Variants in VSIG1 observed in about 807,000 individuals in gnomAD.
VSIG1 encodes V-set and immunoglobulin domain-containing protein 1.
VSIG1 carries 11 observed loss-of-function variants against 20.1 expected under a neutral mutation model. The ratio of observed to expected loss-of-function variants is 0.55; its 90% CI spans 0.34 to 0.91. The LOEUF (loss-of-function observed/expected upper bound fraction) is 0.91, where lower values mean the gene tolerates loss of function less well. Among genes scored for constraint, VSIG1 ranks in the 40% least tolerant of loss-of-function variants. The probability of loss-of-function intolerance (pLI) is 0.02; values close to 1 mark genes in which losing one functional copy is unlikely to be tolerated. For synonymous variants in VSIG1, 126 were observed against 116.7 expected (o/e 1.08, Z -0.52); for missense variants, 283 against 298.8 (o/e 0.95, Z 0.39).
chrX:108,073,462 C>A, intron 5 of VSIG1, 93 bp downstream of exon 5: 1 of 1,023,453 alleles, frequency 9.8e-7, no homozygotes, highest in Non-Finnish European at 1.3e-6. Flanking sequence ...CCAGTTAGTG[C>A]TTCCTGCTTC....
rs1317396087 is a variant in VSIG1 at position 108,047,933 on chromosome X, TACAC to T, written c.49+2756_49+2759del. Among the ~76,000 whole-genome samples, 94 of 58,968 alleles carry T rather than the reference TACAC, an allele frequency of 1.6e-3. 15 individuals are homozygous for T. The highest frequency in any genetic ancestry group is 9.8e-3 in the African/African-American group (89 of 9,091). 51.2% of individuals were successfully genotyped at this position (58,968 alleles called of 115,157 possible). On this transcript the variant is annotated intron_variant, in intron 1 of 6. Transcript: ENST00000217957. The stretch of plus-strand genomic sequence containing the variant: ...ATATATATATACACATATATATATA[TACAC>T]ATATATATATATATATACACACACA...
chrX:108,054,756 G>A (rs780745705), intron 1 of VSIG1, among the ~76,000 whole-genome samples: 137 of 110,021 alleles, frequency 1.2e-3, no homozygotes, highest in African/African-American at 2.8e-3. Flanking sequence ...TTAAAAATGC[G>A]TAGAACTGAA....
chrX:108,037,009 C>A, the VSIG1 span, among the ~76,000 whole-genome samples: 1 of 111,412 alleles, frequency 9.0e-6, no homozygotes, highest in Non-Finnish European at 1.9e-5. Flanking sequence ...TTTGGAGAGA[C>A]AGAGAGATGT....
intron 1 of VSIG1, among the ~76,000 whole-genome samples, chrX:108,055,065 G>A (rs1165293673): frequency 9.1e-6 from 1 of 109,762 alleles, no homozygotes; most frequent in Non-Finnish European, 1.9e-5. Context: ...CAAACTTCTA[G>A]CAAGACTAAT....
At chrX:108,031,590 T>C in the VSIG1 span, among the ~76,000 whole-genome samples, 1 of 112,156 alleles carries the variant, frequency 8.9e-6, no homozygotes, top group African/African-American at 3.2e-5. Context: ...GATATTCTGG[T>C]ATTTCAAGAA....
chrX:108,037,828 T>C, the VSIG1 span, among the ~76,000 whole-genome samples: 15 of 112,307 alleles, frequency 1.3e-4, no homozygotes, highest in African/African-American at 4.5e-4. Flanking sequence ...ACTTACATTC[T>C]AGCTGGGTGG....
At chrX:108,072,944 GT>G in intron 4 of VSIG1, 112 bp downstream of exon 4, 1 of 802,797 alleles carries the variant, frequency 1.2e-6, no homozygotes, top group Admixed American at 3.2e-5. Flanking sequence ...TGTTTTCTCA[GT>G]GGTGGCGGGT....
chrX:108,041,156 C>T (rs996632577), upstream of VSIG1, among the ~76,000 whole-genome samples: 44 of 107,845 alleles, frequency 4.1e-4, no homozygotes, highest in Admixed American at 1.1e-3. Context: ...ACAATCACAC[C>T]GTGCCATTGT....
chrX:108,036,725 C>T, the VSIG1 span, among the ~76,000 whole-genome samples: 1 of 112,078 alleles, frequency 8.9e-6, no homozygotes, highest in South Asian at 3.7e-4. Context: ...CCTTGAAATT[C>T]CCCTGCTTCA....
chrX:108,022,898 C>T, the VSIG1 span, among the ~76,000 whole-genome samples: 3 of 111,342 alleles, frequency 2.7e-5, no homozygotes, highest in African/African-American at 9.8e-5. Context: ...GCACCTCCAC[C>T]CATCTCTCTT....
intron 6 of VSIG1, among the ~76,000 whole-genome samples, chrX:108,076,478 T>C (rs2031350248): frequency 8.9e-6 from 1 of 112,359 alleles, no homozygotes; most frequent in African/African-American, 3.2e-5. Context: ...TTTTCATATA[T>C]AATACTAACA....
rs933178369 is a variant in VSIG1 at position 108,058,306 on chromosome X, A to T, written c.213+105A>T. The T allele has an allele frequency of 8.6e-6, 7 of 809,614 alleles. No homozygotes were observed. The Admixed American group carries it at 1.4e-4, about 16-fold the overall frequency. 66.7% of individuals were successfully genotyped at this position (809,614 alleles called of 1,213,427 possible). On this transcript the variant is annotated intron_variant, in intron 2 of 6. Coordinates refer to ENST00000217957, the MANE Select transcript of VSIG1 (RefSeq NM_182607.5). ...GAAAGAATGGCATGCCAGTGACAGT[A>T]GTGGCAGGAATCTCAGATACAAAAA... is the stretch of plus-strand genomic sequence containing the variant.
At chrX:108,021,527 A>G in the VSIG1 span, among the ~76,000 whole-genome samples, 5 of 112,362 alleles carry the variant, frequency 4.4e-5, no homozygotes, top group East Asian at 1.4e-3. Flanking sequence ...CTTTTTTGAT[A>G]ATGTCCTTTG....
upstream of VSIG1, among the ~76,000 whole-genome samples, chrX:108,044,130 C>A (rs1322917578): frequency 1.8e-5 from 2 of 111,479 alleles, no homozygotes; most frequent in Non-Finnish European, 3.8e-5. Flanking sequence ...AGTACCTGGA[C>A]CAAGATGGAA....
the VSIG1 span, among the ~76,000 whole-genome samples, chrX:108,025,870 A>G: frequency 8.9e-6 from 1 of 112,322 alleles, no homozygotes; most frequent in Non-Finnish European, 1.9e-5. Context: ...GAGAAGGAAG[A>G]CAGTAATGAA....
At chrX:108,073,162 G>A (rs2147934942) in intron 4 of VSIG1, 88 bp from the exon 5 acceptor site, 2 of 1,040,418 alleles carry the variant, frequency 1.9e-6, no homozygotes, top group African/African-American at 1.9e-5. Flanking sequence ...CAATATGGGG[G>A]AGTGGGTGGA....
chrX:108,033,124 C>T, the VSIG1 span, among the ~76,000 whole-genome samples: 74 of 111,284 alleles, frequency 6.6e-4, no homozygotes, highest in Middle Eastern at 4.6e-3. Context: ...TGTGCACCTC[C>T]GCCTAGTTGG....
At chrX:108,023,427 T>C in the VSIG1 span, among the ~76,000 whole-genome samples, 1 of 112,272 alleles carries the variant, frequency 8.9e-6, no homozygotes, top group East Asian at 2.8e-4. Context: ...GTGATGTCTT[T>C]GACTTTGATA....
the VSIG1 span, among the ~76,000 whole-genome samples, chrX:108,037,177 A>G: frequency 1.8e-5 from 2 of 112,313 alleles, no homozygotes; most frequent in East Asian, 5.5e-4. Context: ...TAAAATCTTT[A>G]GACTCTAAGC....
Sources: allele counts gnomAD v4.1 joint callset (sites outside exome capture counted in the v4.1 genomes callset), GRCh38; gene constraint gnomAD v4.1.1; transcripts MANE v1.5; gene names NCBI Gene and HGNC (gene_info 2026-07-23, HGNC 2026-07-21).